WNT7B: variants seen among roughly 807,000 people sequenced by gnomAD.
The protein encoded by WNT7B is protein Wnt-7b.
Under a neutral mutation model 38.2 loss-of-function variants are expected in WNT7B, and 19 were observed. The observed-to-expected ratio is 0.50, with a 90% CI of 0.35 to 0.73. WNT7B has a LOEUF of 0.73. Among genes scored for constraint, WNT7B ranks in the 30% least tolerant of loss-of-function variants. WNT7B has a pLI of 0.01. For missense variants in WNT7B, 423 were observed against 507.9 expected (o/e 0.83, Z 1.61); for synonymous variants, 243 against 209.3 (o/e 1.16, Z -1.39).
At chr22:45,944,430 G>A (rs888367682) in intron 2 of WNT7B, among the ~76,000 whole-genome samples, 4 of 152,192 alleles carry the variant, frequency 2.6e-5, no homozygotes, top group Admixed American at 6.5e-5. Flanking sequence ...CCCCGGCCTC[G>A]TCCCACCCTG....
At chr22:45,953,276 G>A (rs1931980651) in intron 1 of WNT7B, among the ~76,000 whole-genome samples, 1 of 144,320 alleles carries the variant, frequency 6.9e-6, no homozygotes, top group Non-Finnish European at 1.5e-5. Context: ...CACAGTCACC[G>A]TGTCCTCGGC....
chr22:45,936,078 C>T (rs190500810), intron 2 of WNT7B: 2 of 985,366 alleles, frequency 2.0e-6, no homozygotes, highest in Admixed American at 6.1e-5. Flanking sequence ...TTCTGGCCAC[C>T]CCTCACCCCA....
chr22:45,957,682 CAAAAAAAA>C (rs367797133), intron 1 of WNT7B, among the ~76,000 whole-genome samples: 11 of 36,012 alleles, frequency 3.1e-4, no homozygotes, highest in African/African-American at 7.7e-4. Context: ...GACTCCGTCT[CAAAAAAAA>C]AAAAAAAAAA....
chr22:45,961,994 C>T (rs1932206948), intron 1 of WNT7B, among the ~76,000 whole-genome samples: 1 of 152,230 alleles, frequency 6.6e-6, no homozygotes, highest in Admixed American at 6.5e-5. Context: ...CTGCTCAGCT[C>T]TTGGCTCTCA....
chr22:45,943,231 C>T (rs1395246844), intron 2 of WNT7B, among the ~76,000 whole-genome samples: 1 of 152,234 alleles, frequency 6.6e-6, no homozygotes, highest in Non-Finnish European at 1.5e-5. Context: ...TCTCCAGCCC[C>T]ACCCGGACCC....
At chr22:45,925,675 A>T in intron 3 of WNT7B, 1 of 985,362 alleles carries the variant, frequency 1.0e-6, no homozygotes, top group Non-Finnish European at 1.2e-6. Context: ...CCTGCCCTTC[A>T]GGCCTGGAAG....
Position 45,962,798 on chromosome 22 carries a change from C to T in WNT7B, c.72-12652G>A, listed in dbSNP as rs997185368. 4.6e-5 allele frequency among the ~76,000 whole-genome samples: 7 copies of T among 152,214 alleles called. No individual in the cohort carries two copies. The East Asian group carries it at 7.7e-4, about 17-fold the overall frequency. ...GCCCTGATGCCACAGATCTGTTGGACGCAGGGGCGCCTTGCAGGCCTGGGT... is the reference window on the plus strand; with the variant it reads ...GCCCTGATGCCACAGATCTGTTGGATGCAGGGGCGCCTTGCAGGCCTGGGT... On this transcript the variant is annotated intron_variant, in intron 1 of 3. Transcript: ENST00000339464.
intron 2 of WNT7B, among the ~76,000 whole-genome samples, chr22:45,945,467 A>C (rs1931771830): frequency 6.6e-6 from 1 of 152,254 alleles, no homozygotes; most frequent in South Asian, 2.1e-4. Flanking sequence ...AGAGTTATTC[A>C]AGAGATACTG....
At chr22:45,935,828 G>A (rs141303017) in intron 2 of WNT7B, 3 of 985,266 alleles carry the variant, frequency 3.0e-6, no homozygotes, top group Admixed American at 6.1e-5. Flanking sequence ...TGGCAGTGAC[G>A]AAAGCCATCT....
At chr22:45,934,237 C>A (rs1017177270) in intron 2 of WNT7B, among the ~76,000 whole-genome samples, 1 of 152,160 alleles carries the variant, frequency 6.6e-6, no homozygotes, top group Non-Finnish European at 1.5e-5. Context: ...GTCGGGGGCC[C>A]TGGAAGGTCC....
rs1930956543 is a variant in WNT7B, at chr22:45,922,488, G to A, written c.*368C>T. 1 of 221,162 alleles carries A rather than the reference G, an allele frequency of 4.5e-6. No homozygotes were observed. Among genetic ancestry groups the A allele is most frequent in the Non-Finnish European group, 8.9e-6 (1 of 112,064 alleles). The allele number at this position is 221,162 out of a possible 1,614,324, so 13.7% of individuals were successfully genotyped here. On this transcript the variant is annotated 3_prime_UTR_variant, in exon 4 of 4. Transcript: ENST00000339464. ...GTCCATGCCGCCAGGTGGGGCTGGG[G>A]ACGCTCAGTCTCCTCATCACTTTGC...
At chr22:45,934,911 G>A (rs540422342) in intron 2 of WNT7B, among the ~76,000 whole-genome samples, 89 of 152,322 alleles carry the variant, frequency 5.8e-4, no homozygotes, top group Admixed American at 4.0e-3. Flanking sequence ...GGCGAGAGTC[G>A]CTGCCGTGGA....
In WNT7B at chr22:45,931,236, G is replaced by T. The variant is rs775527665; in HGVS notation, c.432C>A (p.Ala144=). 1 of 1,599,306 alleles carries T rather than the reference G, an allele frequency of 6.3e-7. No homozygotes were observed. Among genetic ancestry groups the T allele is most frequent in the Non-Finnish European group, 8.5e-7 (1 of 1,179,844 alleles). ...AGCAGCCGCCCCACTTCCAGCCCTC[G>T]GCTTGGTTGTAGTAGCCCTGCTTCT... ...DREKQGYYNQ[A]EGWKWGGCSA... Residue 144 remains alanine (A), a synonymous_variant, in exon 3 of 4, where the codon GCC becomes GCA. Coordinates refer to ENST00000339464, the MANE Select transcript of WNT7B (RefSeq NM_058238.3).
intron 3 of WNT7B, among the ~76,000 whole-genome samples, chr22:45,928,409 A>C (rs1931163509): frequency 6.6e-6 from 1 of 152,178 alleles, no homozygotes; most frequent in Admixed American, 6.5e-5. Context: ...GGGTCGGGGC[A>C]GTGAGGAGTT....
intron 2 of WNT7B, among the ~76,000 whole-genome samples, chr22:45,940,893 G>A (rs559460299): frequency 6.6e-6 from 1 of 152,358 alleles, no homozygotes; most frequent in East Asian, 1.9e-4. Context: ...CCTGAGGTGA[G>A]AATGAGCTGA....
chr22:45,971,084 G>A (rs1932425230), intron 1 of WNT7B, among the ~76,000 whole-genome samples: 1 of 151,962 alleles, frequency 6.6e-6, no homozygotes, highest in Non-Finnish European at 1.5e-5. Context: ...AGCAAGAGGA[G>A]AAATTGGCTG....
intron 2 of WNT7B, among the ~76,000 whole-genome samples, chr22:45,936,401 T>A (rs1931515218): frequency 6.6e-6 from 1 of 152,188 alleles, no homozygotes; most frequent in Admixed American, 6.5e-5. Flanking sequence ...GAGGTGTCTG[T>A]CTGTGCTCCA....
intron 2 of WNT7B, among the ~76,000 whole-genome samples, chr22:45,932,916 G>A (rs1931411826): frequency 6.6e-6 from 1 of 152,200 alleles, no homozygotes; most frequent in East Asian, 1.9e-4. Context: ...GCCTGTTATT[G>A]GGGCTGAGGT....
chr22:45,960,230 G>C (rs1405205323), intron 1 of WNT7B, among the ~76,000 whole-genome samples: 1 of 152,088 alleles, frequency 6.6e-6, no homozygotes, highest in Admixed American at 6.5e-5. Flanking sequence ...GCCCACACCC[G>C]TTCCTCCTTC....
Sources: gnomAD v4.1 joint callset for allele counts (sites outside exome capture counted in the v4.1 genomes callset) on GRCh38, gnomAD v4.1.1 for gene constraint, MANE v1.5 for transcripts, NCBI Gene and HGNC (gene_info 2026-07-23, HGNC 2026-07-21) for gene names.